Variants in HPSE2 observed in about 807,000 individuals in gnomAD.
The protein encoded by HPSE2 is heparanase 2 (inactive).
Under a neutral mutation model 60.5 loss-of-function variants are expected in HPSE2, and 38 were observed. The ratio of observed to expected loss-of-function variants is 0.63; its 90% CI spans 0.48 to 0.82. The LOEUF is 0.82. Ranked by LOEUF, HPSE2 falls within the 40% of genes least tolerant of loss-of-function variation. The probability of loss-of-function intolerance (pLI) is 0.00; values close to 1 mark genes in which losing one functional copy is unlikely to be tolerated. For missense variants in HPSE2, 713 were observed against 740.4 expected (o/e 0.96, Z 0.43); for synonymous variants, 295 against 293.2 (o/e 1.01, Z -0.06).
intron 3 of HPSE2, among the ~76,000 whole-genome samples, chr10:98,886,448 C>T (rs78563938): frequency 6.6e-6 from 1 of 152,092 alleles, no homozygotes; most frequent in Non-Finnish European, 1.5e-5. Flanking sequence ...CTTAACACTA[C>T]AGCAACACAA....
chr10:99,223,927 A>T (rs1480045292), intron 2 of HPSE2, among the ~76,000 whole-genome samples: 1 of 152,076 alleles, frequency 6.6e-6, no homozygotes, highest in Admixed American at 6.6e-5. Context: ...GGGGAGAGGG[A>T]GATGTGTGTT....
chr10:98,661,413 T>C (rs935863452), intron 6 of HPSE2, among the ~76,000 whole-genome samples: 10 of 152,236 alleles, frequency 6.6e-5, no homozygotes, highest in African/African-American at 2.2e-4. Context: ...AAAAAGCATA[T>C]GGTAAAAAGT....
intron 3 of HPSE2, among the ~76,000 whole-genome samples, chr10:98,773,659 A>C (rs1051161145): frequency 1.3e-5 from 2 of 152,260 alleles, no homozygotes; most frequent in Non-Finnish European, 2.9e-5. Flanking sequence ...GCACAAGTGC[A>C]TAAGAATGTT....
At chr10:98,802,019 C>T (rs1289792182) in intron 3 of HPSE2, among the ~76,000 whole-genome samples, 2 of 151,794 alleles carry the variant, frequency 1.3e-5, no homozygotes, top group East Asian at 1.9e-4. Flanking sequence ...ATCAAGAACA[C>T]CAGAAACAAA....
intron 3 of HPSE2, among the ~76,000 whole-genome samples, chr10:99,011,461 C>A (rs1957012386): frequency 6.6e-6 from 1 of 151,698 alleles, no homozygotes; most frequent in Non-Finnish European, 1.5e-5. Context: ...ATTTTCAAGC[C>A]ATGAAAGATA....
intron 3 of HPSE2, among the ~76,000 whole-genome samples, chr10:99,018,367 C>A (rs1957188736): frequency 6.6e-6 from 1 of 152,176 alleles, no homozygotes; most frequent in Non-Finnish European, 1.5e-5. Flanking sequence ...TTACAAGCAG[C>A]CTCAAGTATT....
chr10:98,969,715 T>C (rs1955902763), intron 3 of HPSE2, among the ~76,000 whole-genome samples: 2 of 152,200 alleles, frequency 1.3e-5, no homozygotes, highest in African/African-American at 2.4e-5. Context: ...TGTACTATAG[T>C]GACCTAAAAG....
chr10:98,810,319 T>C (rs1312709416), intron 3 of HPSE2, among the ~76,000 whole-genome samples: 2 of 152,086 alleles, frequency 1.3e-5, no homozygotes, highest in African/African-American at 2.4e-5. Flanking sequence ...TTAGGGAGCC[T>C]ACATTAAAAA....
At chr10:99,139,794 C>T (rs1198606866) in intron 3 of HPSE2, among the ~76,000 whole-genome samples, 1 of 152,050 alleles carries the variant, frequency 6.6e-6, no homozygotes, top group African/African-American at 2.4e-5. Context: ...GAACCATCTA[C>T]TTCATTTACT....
chr10:98,463,427 G>A (rs767486105), intron 11 of HPSE2, among the ~76,000 whole-genome samples: 1 of 152,222 alleles, frequency 6.6e-6, no homozygotes, highest in Non-Finnish European at 1.5e-5. Context: ...AAAAAATAAT[G>A]TCTTTCACAG....
At chr10:98,788,639 G>C (rs562158554) in intron 3 of HPSE2, among the ~76,000 whole-genome samples, 1 of 152,202 alleles carries the variant, frequency 6.6e-6, no homozygotes, top group Admixed American at 6.5e-5. Flanking sequence ...GTGGGATATC[G>C]TCTCGTGGTG....
At chr10:98,928,314 G>C (rs1208730810) in intron 3 of HPSE2, among the ~76,000 whole-genome samples, 7 of 96,072 alleles carry the variant, frequency 7.3e-5, no homozygotes, top group Non-Finnish European at 1.5e-4. Context: ...AGTTAGAATG[G>C]CAATCATTAA....
At chr10:99,026,980 T>C (rs2487887) in intron 3 of HPSE2, among the ~76,000 whole-genome samples, 138,599 of 152,112 alleles carry the variant, frequency 0.91, 63,450 homozygotes, top group Non-Finnish European at 0.97. Context: ...GGAAGTACTA[T>C]GGGAATTTTA....
intron 6 of HPSE2, among the ~76,000 whole-genome samples, chr10:98,644,799 G>T (rs147605788): frequency 6.6e-6 from 1 of 152,310 alleles, no homozygotes; most frequent in African/African-American, 2.4e-5. Flanking sequence ...CATGGGAGAT[G>T]AAATCCAGCA....
chr10:98,904,064 C>T (rs1041953347), intron 3 of HPSE2, among the ~76,000 whole-genome samples: 1 of 152,060 alleles, frequency 6.6e-6, no homozygotes, highest in South Asian at 2.1e-4. Flanking sequence ...AACATGTCTA[C>T]AAAAGTATTG....
chr10:99,105,207 G>C (rs1490264198), intron 3 of HPSE2, among the ~76,000 whole-genome samples: 1 of 151,992 alleles, frequency 6.6e-6, no homozygotes, highest in Non-Finnish European at 1.5e-5. Context: ...TTCCCTGGTA[G>C]TAACTGTAAC....
chr10:98,631,651 T>A (rs1285320531), intron 7 of HPSE2, among the ~76,000 whole-genome samples: 1 of 152,204 alleles, frequency 6.6e-6, no homozygotes, highest in African/African-American at 2.4e-5. Context: ...AGCAATTTGC[T>A]TCCAGGGCCA....
At chr10:99,152,498 T>C (rs1388704128) in intron 2 of HPSE2, among the ~76,000 whole-genome samples, 5 of 152,176 alleles carry the variant, frequency 3.3e-5, no homozygotes, top group Non-Finnish European at 7.4e-5. Context: ...CTCTTTTACA[T>C]GTTTTAAAAA....
chr10:99,047,132 C>A (rs896108052), intron 3 of HPSE2, among the ~76,000 whole-genome samples: 1 of 152,038 alleles, frequency 6.6e-6, no homozygotes, highest in African/African-American at 2.4e-5. Flanking sequence ...ACACACAGAT[C>A]CATGAAACAG....
Sources: allele counts gnomAD v4.1 joint callset (sites outside exome capture counted in the v4.1 genomes callset), GRCh38; gene constraint gnomAD v4.1.1; transcripts MANE v1.5; gene names NCBI Gene and HGNC (gene_info 2026-07-23, HGNC 2026-07-21).